Variants in ACOXL observed in about 807,000 individuals in gnomAD.
The protein encoded by ACOXL is acyl-CoA oxidase like.
A neutral mutation model predicts 71.9 loss-of-function variants in ACOXL; 70 were observed. The observed-to-expected ratio is 0.97, with a 90% CI of 0.80 to 1.19. The LOEUF (loss-of-function observed/expected upper bound fraction) is 1.19, where lower values mean the gene tolerates loss of function less well. Ranked by LOEUF, ACOXL falls within the 50% of genes most tolerant of loss-of-function variation. The pLI is 0.00. For synonymous variants in ACOXL, 253 were observed against 281.6 expected, an observed-to-expected ratio of 0.90 and a Z score of 1.02; for missense variants, 703 against 736.3, an observed-to-expected ratio of 0.95 and a Z score of 0.52.
chr2:111,065,087 C>G (rs186306789), intron 16 of ACOXL, among the ~76,000 whole-genome samples: 4 of 152,298 alleles, frequency 2.6e-5, no homozygotes, highest in Admixed American at 2.0e-4. Flanking sequence ...AGGAATCAGT[C>G]TATCCAATTT....
intron 16 of ACOXL, among the ~76,000 whole-genome samples, chr2:111,065,766 A>G (rs1008504303): frequency 1.3e-5 from 2 of 152,254 alleles, no homozygotes; most frequent in African/African-American, 4.8e-5. Flanking sequence ...AAGACATTCA[A>G]CATCATTAAC....
At chr2:111,047,285 A>G (rs1420037413) in intron 15 of ACOXL, among the ~76,000 whole-genome samples, 1 of 152,206 alleles carries the variant, frequency 6.6e-6, no homozygotes, top group Admixed American at 6.5e-5. Context: ...GGCAGTGAGA[A>G]GTATGAACAC....
intron 12 of ACOXL, among the ~76,000 whole-genome samples, chr2:110,969,586 A>AG (rs2062087507): frequency 6.6e-6 from 1 of 152,150 alleles, no homozygotes; most frequent in Non-Finnish European, 1.5e-5. Context: ...CGAGGTGGGC[A>AG]GCTTACCTGA....
chr2:110,773,170 T>A (rs1391377828), intron 2 of ACOXL, among the ~76,000 whole-genome samples: 1 of 152,230 alleles, frequency 6.6e-6, no homozygotes, highest in Non-Finnish European at 1.5e-5. Context: ...ATTATATTTA[T>A]ATTACATATA....
rs765504663 is a variant in ACOXL, at chr2:110,784,758, C to T, written c.102C>T (p.Ser34=). The part of the protein sequence containing the change: ...DLAEKTKNFV[S]RSLVIGEVLS... Reference sequence around the variant, plus strand: ...CAGAGAAAACAAAGAATTTTGTCAGCCGAAGCCTTGTCATAGGAGAAGTCC... The same window carrying T: ...CAGAGAAAACAAAGAATTTTGTCAGTCGAAGCCTTGTCATAGGAGAAGTCC... The change falls in exon 3 of 18, where the codon AGC becomes AGT. Residue 34 remains serine, a synonymous_variant. Transcript: ENST00000439055. 1.9e-6 allele frequency: 3 copies of T among 1,607,816 alleles called. No individual in the cohort carries two copies. Among genetic ancestry groups the T allele is most frequent in the Non-Finnish European group, 1.7e-6 (2 of 1,177,516 alleles).
At chr2:110,884,507 G>A (rs1188158709) in intron 10 of ACOXL, among the ~76,000 whole-genome samples, 1 of 152,056 alleles carries the variant, frequency 6.6e-6, no homozygotes, top group Non-Finnish European at 1.5e-5. Context: ...CCACCCTTAA[G>A]CACTGACATA....
intron 15 of ACOXL, among the ~76,000 whole-genome samples, chr2:111,036,125 C>G (rs2065499135): frequency 6.6e-6 from 1 of 152,210 alleles, no homozygotes; most frequent in African/African-American, 2.4e-5. Flanking sequence ...TAAGACAACA[C>G]TTCTCATTCT....
intron 12 of ACOXL, among the ~76,000 whole-genome samples, chr2:110,950,759 C>T (rs921996422): frequency 2.7e-5 from 4 of 150,098 alleles, no homozygotes; most frequent in African/African-American, 9.9e-5. Flanking sequence ...CAATTATAAA[C>T]TTTCTCCAGC....
At chr2:111,097,341 T>C (rs1035062365) in intron 17 of ACOXL, among the ~76,000 whole-genome samples, 1 of 152,218 alleles carries the variant, frequency 6.6e-6, no homozygotes, top group Non-Finnish European at 1.5e-5. Flanking sequence ...TACACAGAGA[T>C]GAGAAAACTG....
Position 110,805,244 on chromosome 2 carries a change from C to G in ACOXL, c.621-19C>G. The G allele has an allele frequency of 1.2e-6, 2 of 1,612,854 alleles. No individual in the cohort carries two copies. The highest frequency in any genetic ancestry group is 1.7e-6 in the Non-Finnish European group (2 of 1,179,474). ...CTATGTCCTGCTTTTTTGTGAAACC[C>G]CACCTCTCTTTTCCACAGGTTTGGT... On this transcript the variant is annotated intron_variant, in intron 8 of 17. Coordinates refer to ENST00000439055, the MANE Select transcript of ACOXL (RefSeq NM_001142807.4).
chr2:110,939,896 C>A (rs1203894086), intron 12 of ACOXL, among the ~76,000 whole-genome samples: 2 of 152,176 alleles, frequency 1.3e-5, no homozygotes, highest in African/African-American at 4.8e-5. Flanking sequence ...AGATTGGACA[C>A]CCCTAATGTA....
At chr2:110,960,386 G>A (rs553564266) in intron 12 of ACOXL, among the ~76,000 whole-genome samples, 33 of 152,312 alleles carry the variant, frequency 2.2e-4, no homozygotes, top group South Asian at 6.2e-4. Context: ...GGCACACGCC[G>A]TGGTGCTGGT....
chr2:110,848,933 C>T (rs756000833), intron 10 of ACOXL, among the ~76,000 whole-genome samples: 4 of 152,236 alleles, frequency 2.6e-5, no homozygotes, highest in Admixed American at 1.3e-4. Flanking sequence ...TCACTCCTCA[C>T]GCTGCTGTCT....
chr2:111,114,167 C>A (rs1396877637), intron 17 of ACOXL: 1 of 152,724 alleles, frequency 6.5e-6, no homozygotes, highest in East Asian at 1.9e-4. Flanking sequence ...CTGCAGTCAT[C>A]TGAGTTCAAC....
At chr2:111,014,905 A>T (rs914366839) in intron 14 of ACOXL, among the ~76,000 whole-genome samples, 3 of 152,222 alleles carry the variant, frequency 2.0e-5, no homozygotes, top group African/African-American at 7.2e-5. Flanking sequence ...AAACATCTAG[A>T]TATCTGAAGG....
At chr2:110,857,501 G>C (rs984351070) in intron 10 of ACOXL, among the ~76,000 whole-genome samples, 5 of 152,096 alleles carry the variant, frequency 3.3e-5, no homozygotes, top group African/African-American at 1.2e-4. Context: ...GAGGAAGAGG[G>C]TTTGGGCCAA....
intron 16 of ACOXL, among the ~76,000 whole-genome samples, chr2:111,090,450 A>T (rs2068462840): frequency 6.6e-6 from 1 of 152,112 alleles, no homozygotes; most frequent in African/African-American, 2.4e-5. Flanking sequence ...GCCACCAAGA[A>T]CCAGGACTCC....
chr2:111,074,567 T>C lies in ACOXL; in HGVS notation c.1441-18298T>C, dbSNP rs151119624. On this transcript the variant is annotated intron_variant, in intron 16 of 17. Coordinates refer to ENST00000439055, the MANE Select transcript of ACOXL (RefSeq NM_001142807.4). ...ATGATTATGGTTTTTTTTTCTTTTT[T>C]AGGTTGTTAATATGATAAATAACAA... 2.4e-4 allele frequency among the ~76,000 whole-genome samples: 36 copies of C among 152,272 alleles called. 1 individual carries two copies. In the East Asian group the frequency reaches 6.9e-3, roughly 29 times the overall value.
intron 14 of ACOXL, among the ~76,000 whole-genome samples, chr2:111,018,653 C>A (rs565017463): frequency 1.3e-5 from 2 of 152,118 alleles, no homozygotes; most frequent in East Asian, 3.9e-4. Flanking sequence ...GCCGTAGTAA[C>A]CAAGGGCCCA....
Sources: gnomAD v4.1 joint callset for allele counts (sites outside exome capture counted in the v4.1 genomes callset) on GRCh38, gnomAD v4.1.1 for gene constraint, MANE v1.5 for transcripts, NCBI Gene and HGNC (gene_info 2026-07-23, HGNC 2026-07-21) for gene names.